The following PCDHGB2 variants were observed in gnomAD, a reference collection of about 807,000 sequenced individuals.
PCDHGB2 encodes protocadherin gamma subfamily B, 2.
In PCDHGB2, 55 loss-of-function variants were observed where a neutral mutation model predicts 59.3. The ratio of observed to expected loss-of-function variants is 0.93; its 90% confidence interval spans 0.75 to 1.16. The LOEUF is 1.16. Ranked by LOEUF, PCDHGB2 falls within the 50% of genes most tolerant of loss-of-function variation. The pLI is 0.00. For missense variants in PCDHGB2, 1,228 were observed against 1,198.5 expected (o/e 1.02, Z -0.36); for synonymous variants, 516 against 512.0 (o/e 1.01, Z -0.11).
rs561122870 is a variant in PCDHGB2 at position 141,439,444 on chromosome 5, C to T, written c.2422-55363C>T. On this transcript the variant is annotated intron_variant, in intron 1 of 3. Transcript: ENST00000522605. ...ATAAATTCCCAGGAATATTTTATTG[C>T]GGGAGCAAGACTGCACTGCTGCCTT... Among the ~76,000 whole-genome samples the T allele has an allele frequency of 3.0e-4, 46 of 152,264 alleles. 1 individual carries two copies. The South Asian group carries it at 6.2e-3, about 21-fold the overall frequency.
At chr5:141,393,971 A>G (rs769025757) in intron 1 of PCDHGB2, 3 of 1,613,904 alleles carry the variant, frequency 1.9e-6, no homozygotes, top group Non-Finnish European at 2.5e-6. Flanking sequence ...TCTGTTACAC[A>G]CGTGATAATT....
intron 2 of PCDHGB2, among the ~76,000 whole-genome samples, chr5:141,497,539 C>A (rs2099777336): frequency 6.9e-6 from 1 of 145,274 alleles, no homozygotes; most frequent in African/African-American, 2.6e-5. Context: ...ATGCAACAAA[C>A]CTTTTTTTTT....
chr5:141,408,315 C>T lies in PCDHGB2; in HGVS notation c.2421+45759C>T, dbSNP rs757628906. The stretch of plus-strand genomic sequence containing the variant: ...AGTGAGCCGATCCGCTACTCGATTC[C>T]GGAGGAGCTGGCCAAGGGCTCGGTG... On this transcript the variant is annotated intron_variant, in intron 1 of 3. Coordinates refer to ENST00000522605, the MANE Select transcript of PCDHGB2 (RefSeq NM_018923.3). The T allele has an allele frequency of 5.6e-6, 9 of 1,613,712 alleles. No homozygotes were observed. The highest frequency in any genetic ancestry group is 6.8e-6 in the Non-Finnish European group (8 of 1,179,748).
intron 1 of PCDHGB2, chr5:141,389,265 G>T: frequency 6.2e-7 from 1 of 1,614,004 alleles, no homozygotes; most frequent in Non-Finnish European, 8.5e-7. Context: ...CCACGTGGCC[G>T]AGAACAACCC....
chr5:141,431,016 C>A lies in PCDHGB2; in HGVS notation c.2422-63791C>A, dbSNP rs755015257. 4 of 1,613,456 alleles carry A rather than the reference C, an allele frequency of 2.5e-6. No individual in the cohort carries two copies. Among genetic ancestry groups the A allele is most frequent in the East Asian group, 2.2e-5 (1 of 44,860 alleles). ...AATCCGCGCAGCGGCAGCTTGGTCA[C>A]GGCGGGCAGGATAGACCGGGAGGAG... is the stretch of plus-strand genomic sequence containing the variant. On this transcript the variant is annotated intron_variant, in intron 1 of 3. Coordinates refer to ENST00000522605, the MANE Select transcript of PCDHGB2 (RefSeq NM_018923.3). The surrounding 1 kb of genome is among the most constrained non-coding windows in gnomAD (Gnocchi z 4.8).
rs2154594676 is a variant in PCDHGB2, at chr5:141,511,333, G to A, written c.*160G>A. 6.9e-7 allele frequency: 1 copy of A among 1,441,948 alleles called. No homozygotes were observed. Among genetic ancestry groups the A allele is most frequent in the Non-Finnish European group, 9.2e-7 (1 of 1,085,894 alleles). The allele number at this position is 1,441,948 out of a possible 1,614,324, so 89.3% of individuals were successfully genotyped here. On this transcript the variant is annotated 3_prime_UTR_variant, in exon 4 of 4. Transcript: ENST00000522605. Reference sequence around the variant, plus strand: ...GGAAACAGAAACAAGTGCCCAGTCAGCACCTACCCCTTCCCCCCCAGGGGG... The same window carrying A: ...GGAAACAGAAACAAGTGCCCAGTCAACACCTACCCCTTCCCCCCCAGGGGG...
At position 141,361,050 on chromosome 5, in the gene PCDHGB2, T is replaced by A. The variant is rs370096238; in HGVS notation, c.915T>A (p.Asp305Glu). ...AAACAGGAGAAATCACGACAAAGGATGATTTGGATTTTGAGATTGCAAGTA... is the reference window on the plus strand; with the variant it reads ...AAACAGGAGAAATCACGACAAAGGAAGATTTGGATTTTGAGATTGCAAGTA... ...NEKTGEITTK[D>E]DLDFEIASSY... The change falls in exon 1 of 4, where the codon GAT becomes GAA. Residue 305 changes from aspartate (D) to glutamate (E), a missense_variant. Physicochemically the swap from Asp to Glu is conservative, Grantham distance 45 (BLOSUM62 2). Coordinates refer to ENST00000522605, the MANE Select transcript of PCDHGB2 (RefSeq NM_018923.3). 3 of 1,613,586 alleles carry A rather than the reference T, an allele frequency of 1.9e-6. No homozygotes were observed. The highest frequency in any genetic ancestry group is 1.7e-6 in the Non-Finnish European group (2 of 1,179,740).
rs537196945 is a variant in PCDHGB2 at position 141,470,749 on chromosome 5, G to A, written c.2422-24058G>A. 3.9e-5 allele frequency among the ~76,000 whole-genome samples: 6 copies of A among 152,260 alleles called. No individual in the cohort carries two copies. The East Asian group carries it at 7.7e-4, about 20-fold the overall frequency. On this transcript the variant is annotated intron_variant, in intron 1 of 3. Coordinates refer to ENST00000522605, the MANE Select transcript of PCDHGB2 (RefSeq NM_018923.3). ...GTCTTGCTCTGTCGCCCTGGCTGGAGTGCAGTGGACTCACTACAGTCTTGA... is the reference window on the plus strand; with the variant it reads ...GTCTTGCTCTGTCGCCCTGGCTGGAATGCAGTGGACTCACTACAGTCTTGA...
At chr5:141,465,779 G>A (rs1199779963) in intron 1 of PCDHGB2, among the ~76,000 whole-genome samples, 2 of 145,170 alleles carry the variant, frequency 1.4e-5, no homozygotes, top group African/African-American at 5.0e-5. Flanking sequence ...TCTTGTTACA[G>A]TTTTTTTTTT....
At position 141,410,301 on chromosome 5, in the gene PCDHGB2, C is replaced by A. The variant is rs1294760427; in HGVS notation, c.2421+47745C>A. ...CTGGTGGTGGCCTTGGCCTTAATCT[C>A]AGTGCTCTTCCTCCTCGCCGTGATT... On this transcript the variant is annotated intron_variant, in intron 1 of 3. Transcript: ENST00000522605. 2.5e-6 allele frequency: 4 copies of A among 1,614,030 alleles called. No individual in the cohort carries two copies. In the Admixed American group the frequency reaches 6.7e-5, roughly 27 times the overall value.
At chr5:141,394,260 G>C in intron 1 of PCDHGB2, 1 of 1,613,920 alleles carries the variant, frequency 6.2e-7, no homozygotes, top group Non-Finnish European at 8.5e-7. Flanking sequence ...CGACAGCCAG[G>C]AGAATGCCCA....
intron 1 of PCDHGB2, chr5:141,400,383 T>C (rs1267422491): frequency 6.2e-7 from 1 of 1,614,088 alleles, no homozygotes. Flanking sequence ...ACCTATGTGT[T>C]GCACATACAG....
At position 141,481,468 on chromosome 5, in the gene PCDHGB2, G is replaced by A. The variant is rs575259839; in HGVS notation, c.2422-13339G>A. Among the ~76,000 whole-genome samples the A allele has an allele frequency of 2.6e-5, 4 of 152,332 alleles. No homozygotes were observed. In the South Asian group the frequency reaches 8.3e-4, roughly 32 times the overall value. On this transcript the variant is annotated intron_variant, in intron 1 of 3. Transcript: ENST00000522605. Reference sequence around the variant, plus strand: ...CATGTAAATACACTGAAAACCATTGGATTATACACTTTAAATATGTGATTT... The same window carrying A: ...CATGTAAATACACTGAAAACCATTGAATTATACACTTTAAATATGTGATTT...
In PCDHGB2 at chr5:141,360,588, A is replaced by G; in HGVS notation, c.453A>G (p.Thr151=). ...KIGESTKPGT[T]FPLDPALDSD... Reference sequence around the variant, plus strand: ...GCGAATCCACTAAGCCAGGTACAACATTTCCACTTGACCCAGCCCTGGATT... The same window carrying G: ...GCGAATCCACTAAGCCAGGTACAACGTTTCCACTTGACCCAGCCCTGGATT... Residue 151 remains threonine, a synonymous_variant, in exon 1 of 4, where the codon ACA becomes ACG. Coordinates refer to ENST00000522605, the MANE Select transcript of PCDHGB2 (RefSeq NM_018923.3). 1 of 1,614,006 alleles carries G rather than the reference A, an allele frequency of 6.2e-7. No individual in the cohort carries two copies. The highest frequency in any genetic ancestry group is 8.5e-7 in the Non-Finnish European group (1 of 1,179,898).
At chr5:141,505,993 T>TGCGA (rs2099849805) in intron 3 of PCDHGB2, among the ~76,000 whole-genome samples, 1 of 152,188 alleles carries the variant, frequency 6.6e-6, no homozygotes, top group African/African-American at 2.4e-5. Context: ...CTCCTCTTTA[T>TGCGA]GCGAGGCTCC....
At position 141,476,409 on chromosome 5, in the gene PCDHGB2, G is replaced by A. The variant is rs1226666958; in HGVS notation, c.2422-18398G>A. The A allele has an allele frequency of 6.2e-7, 1 of 1,614,154 alleles. No homozygotes were observed. The highest frequency in any genetic ancestry group is 1.7e-5 in the Admixed American group (1 of 60,030). ...GACCGTCTGGATCGAGAGGAGCTGT[G>A]TGGGACACTGCCCTCTTGCACTGTA... is the stretch of plus-strand genomic sequence containing the variant. On this transcript the variant is annotated intron_variant, in intron 1 of 3. Coordinates refer to ENST00000522605, the MANE Select transcript of PCDHGB2 (RefSeq NM_018923.3). The surrounding 1 kb of genome is among the most constrained non-coding windows in gnomAD (Gnocchi z 7.6).
intron 1 of PCDHGB2, chr5:141,423,492 C>T (rs2154550191): frequency 1.2e-6 from 2 of 1,613,972 alleles, no homozygotes; most frequent in East Asian, 4.5e-5. Context: ...AAACCTATTC[C>T]CACGAGGTCT....
intron 1 of PCDHGB2, chr5:141,366,577 C>A (rs376647678): frequency 1.2e-6 from 2 of 1,614,118 alleles, no homozygotes; most frequent in African/African-American, 2.7e-5. Context: ...TTCGGGCTTT[C>A]CTGCAGACCT....
chr5:141,413,649 C>G, intron 1 of PCDHGB2: 1 of 1,613,836 alleles, frequency 6.2e-7, no homozygotes, highest in South Asian at 1.1e-5. Flanking sequence ...GTTTTCCTCT[C>G]CCGGAAGCTA....
Sources: allele counts gnomAD v4.1 joint callset (sites outside exome capture counted in the v4.1 genomes callset), GRCh38; gene constraint gnomAD v4.1.1; non-coding constraint Gnocchi (gnomAD v3.1); transcripts MANE v1.5; gene names NCBI Gene and HGNC (gene_info 2026-07-23, HGNC 2026-07-21).